Variants in ABCG2 observed in about 807,000 individuals in gnomAD.
ABCG2 encodes ATP binding cassette subfamily G member 2 (JR blood group).
Under a neutral mutation model 73.5 loss-of-function variants are expected in ABCG2, and 80 were observed. The observed-to-expected ratio is 1.09, with a 90% CI of 0.91 to 1.31. The LOEUF is 1.31. Ranked by LOEUF, ABCG2 falls within the 50% of genes most tolerant of loss-of-function variation. ABCG2 has a pLI of 0.00. For synonymous variants in ABCG2, 269 were observed against 282.4 expected (o/e 0.95, Z 0.48); for missense variants, 796 against 786.2 (o/e 1.01, Z -0.15).
chr4:88,117,088 G>A (rs1435201573), intron 7 of ABCG2, among the ~76,000 whole-genome samples: 1 of 152,076 alleles, frequency 6.6e-6, no homozygotes, highest in Non-Finnish European at 1.5e-5. Flanking sequence ...AACACTTTGG[G>A]AGGCCACAGC....
chr4:88,108,165 T>G lies in ABCG2; in HGVS notation c.1195-899A>C, dbSNP rs1272605164. ...ATAAGCAAAGGGTTAATTTAAGGGT[T>G]ACGTTATGATATAATTTATCTGAGA... On this transcript the variant is annotated intron_variant, in intron 9 of 15. Transcript: ENST00000237612. Among the ~76,000 whole-genome samples, 3 of 152,184 alleles carry G rather than the reference T, an allele frequency of 2.0e-5. No individual in the cohort carries two copies. In the East Asian group the frequency reaches 5.8e-4, roughly 29 times the overall value.
chr4:88,163,451 A>C (rs1727393026), upstream of ABCG2: 1 of 158,518 alleles, frequency 6.3e-6, no homozygotes, highest in African/African-American at 2.4e-5. Context: ...AAAGAAAGAA[A>C]GGGTTATTGG....
intron 1 of ABCG2, among the ~76,000 whole-genome samples, chr4:88,189,372 A>G (rs1231745323): frequency 6.6e-6 from 1 of 151,760 alleles, no homozygotes; most frequent in Non-Finnish European, 1.5e-5. Context: ...AAATGAGCTG[A>G]GCATGGTGGC....
chr4:88,155,183 C>T (rs1459324907), intron 1 of ABCG2, among the ~76,000 whole-genome samples: 2 of 152,054 alleles, frequency 1.3e-5, no homozygotes, highest in African/African-American at 2.4e-5. Flanking sequence ...TATATAATGG[C>T]TTTGTTAGGA....
intron 12 of ABCG2, among the ~76,000 whole-genome samples, 169 bp from the exon 13 acceptor site, chr4:88,097,776 G>A (rs986446930): frequency 2.0e-5 from 3 of 152,218 alleles, no homozygotes; most frequent in Admixed American, 6.5e-5. Context: ...GTCTGTCCAT[G>A]TAACTGCATA....
chr4:88,201,209 C>A (rs1392287537), intron 1 of ABCG2, among the ~76,000 whole-genome samples: 157 of 106,178 alleles, frequency 1.5e-3, no homozygotes, highest in South Asian at 3.2e-3. Flanking sequence ...GCACTAACTG[C>A]AAAAAAAAAA....
chr4:88,229,475 T>TA (rs1413974201), intron 1 of ABCG2, among the ~76,000 whole-genome samples: 1 of 152,090 alleles, frequency 6.6e-6, no homozygotes, highest in Non-Finnish European at 1.5e-5. Context: ...CCCGTTTCTA[T>TA]AAAAAAATAG....
chr4:88,213,222 C>A (rs1212895410), intron 1 of ABCG2, among the ~76,000 whole-genome samples: 1 of 152,170 alleles, frequency 6.6e-6, no homozygotes, highest in African/African-American at 2.4e-5. Flanking sequence ...ATTTTAAATT[C>A]TTGATCAAGA....
chr4:88,203,811 A>T (rs1205406938), intron 1 of ABCG2, among the ~76,000 whole-genome samples: 1 of 151,928 alleles, frequency 6.6e-6, no homozygotes, highest in African/African-American at 2.4e-5. Flanking sequence ...TTCCTTAAAC[A>T]TGAGAAGGCA....
intron 1 of ABCG2, among the ~76,000 whole-genome samples, chr4:88,230,291 T>TCA (rs779334338): frequency 0.043 from 2,441 of 57,178 alleles, 91 homozygotes; most frequent in South Asian, 0.13. Flanking sequence ...ACCGCACCTG[T>TCA]TATATATATA....
rs1332456613 is a variant in ABCG2, at chr4:88,132,653, G to C, written c.204-18C>G. 1.9e-6 allele frequency: 3 copies of C among 1,613,872 alleles called. No individual in the cohort carries two copies. Among genetic ancestry groups the C allele is most frequent in the South Asian group, 2.2e-5 (2 of 91,068 alleles). On this transcript the variant is annotated intron_variant, in intron 2 of 15. Transcript: ENST00000237612. ...TGATCCCACTGTAAACACAAAAACA[G>C]ACTGATTTACTATTCCATTTTAAGT...
At chr4:88,131,360 A>G in intron 4 of ABCG2, 147 bp from the exon 5 acceptor site, 1 of 828,012 alleles carries the variant, frequency 1.2e-6, no homozygotes, top group African/African-American at 1.7e-5. Flanking sequence ...TCTGCAAATG[A>G]CAGTTAACTC....
At chr4:88,129,467 A>G (rs1248993047) in intron 5 of ABCG2, among the ~76,000 whole-genome samples, 1 of 152,214 alleles carries the variant, frequency 6.6e-6, no homozygotes, top group Non-Finnish European at 1.5e-5. Context: ...TAGATATCCT[A>G]ACAAGCAACA....
intron 1 of ABCG2, among the ~76,000 whole-genome samples, chr4:88,183,963 T>C (rs1728354693): frequency 6.6e-6 from 1 of 152,092 alleles, no homozygotes; most frequent in Admixed American, 6.6e-5. Flanking sequence ...GACAAAGACA[T>C]GATTATTAAA....
intron 1 of ABCG2, among the ~76,000 whole-genome samples, chr4:88,207,116 C>G (rs1729410395): frequency 6.6e-6 from 1 of 152,136 alleles, no homozygotes; most frequent in African/African-American, 2.4e-5. Flanking sequence ...CATTTTTATG[C>G]ATAACAAGTA....
intron 5 of ABCG2, among the ~76,000 whole-genome samples, chr4:88,130,353 G>A (rs1168912482): frequency 6.6e-6 from 1 of 151,894 alleles, no homozygotes; most frequent in Non-Finnish European, 1.5e-5. Context: ...TCTAATGCCT[G>A]ATGATGTGTC....
At chr4:88,164,987 C>T (rs149374601) in intron 1 of ABCG2, among the ~76,000 whole-genome samples, 6 of 152,232 alleles carry the variant, frequency 3.9e-5, no homozygotes, top group African/African-American at 1.4e-4. Context: ...CATGTTGCCT[C>T]AGCTGGTCTT....
intron 2 of ABCG2, among the ~76,000 whole-genome samples, chr4:88,136,844 C>T (rs775348679): frequency 1.4e-4 from 21 of 151,798 alleles, no homozygotes; most frequent in Non-Finnish European, 2.5e-4. Flanking sequence ...GATGAAACCC[C>T]GTCTTTACTA....
intron 1 of ABCG2, among the ~76,000 whole-genome samples, chr4:88,195,991 C>T (rs1295893609): frequency 6.6e-6 from 1 of 152,178 alleles, no homozygotes; most frequent in East Asian, 1.9e-4. Context: ...CAGGAAGTTG[C>T]TGATCACTAG....
Sources: allele counts gnomAD v4.1 joint callset (sites outside exome capture counted in the v4.1 genomes callset), GRCh38; gene constraint gnomAD v4.1.1; transcripts MANE v1.5; gene names NCBI Gene and HGNC (gene_info 2026-07-23, HGNC 2026-07-21).